The following GLIS3 variants were observed in gnomAD, a reference collection of about 807,000 sequenced individuals.
The protein encoded by GLIS3 is zinc finger protein GLIS3.
Under a neutral mutation model 78.6 loss-of-function variants are expected in GLIS3, and 53 were observed. The observed-to-expected ratio is 0.67, with a 90% CI of 0.54 to 0.85. The LOEUF (loss-of-function observed/expected upper bound fraction) is 0.85, where lower values mean the gene tolerates loss of function less well. Among genes scored for constraint, GLIS3 ranks in the 40% least tolerant of loss-of-function variants. The pLI is 0.00. For synonymous variants in GLIS3, 684 were observed against 509.9 expected (o/e 1.34, Z -4.60); for missense variants, 1,703 against 1,231.1 (o/e 1.38, Z -5.74).
At chr9:4,164,220 TC>T (rs1216486366) in intron 2 of GLIS3, among the ~76,000 whole-genome samples, 1 of 152,224 alleles carries the variant, frequency 6.6e-6, no homozygotes, top group Non-Finnish European at 1.5e-5. Context: ...CTCTTTTCTC[TC>T]TCAGCTTATC....
Position 4,203,912 on chromosome 9 carries a change from C to T in GLIS3, c.389-77971G>A, listed in dbSNP as rs1412369094. 2.0e-5 allele frequency among the ~76,000 whole-genome samples: 3 copies of T among 152,166 alleles called. No individual in the cohort carries two copies. In the South Asian group the frequency reaches 6.2e-4, roughly 32 times the overall value. ...ATAAGTAGGAGCCAAACAGTGGGTA[C>T]TCATGGACATTAAGATGGCTACAAT... On this transcript the variant is annotated intron_variant, in intron 2 of 10. Coordinates refer to ENST00000381971, the MANE Select transcript of GLIS3 (RefSeq NM_001042413.2).
chr9:4,405,150 T>C, the GLIS3 span, among the ~76,000 whole-genome samples: 4 of 151,242 alleles, frequency 2.6e-5, no homozygotes, highest in Non-Finnish European at 4.4e-5. Flanking sequence ...AGGTTGGGAG[T>C]TCGAGATCAA....
At chr9:3,913,595 A>T (rs1346409852) in intron 6 of GLIS3, among the ~76,000 whole-genome samples, 2 of 152,182 alleles carry the variant, frequency 1.3e-5, no homozygotes, top group Admixed American at 6.5e-5. Flanking sequence ...GACTCTACGT[A>T]TCTACAATAA....
Position 4,118,073 on chromosome 9 carries a change from G to A in GLIS3, c.1405C>T (p.His469Tyr), listed in dbSNP as rs564294600. The change falls in exon 4 of 11, where the codon CAC (histidine) becomes TAC (tyrosine). Residue 469 changes from histidine to tyrosine, a missense_variant. Coordinates refer to ENST00000381971, the MANE Select transcript of GLIS3 (RefSeq NM_001042413.2). The surrounding 1 kb of genome is among the most constrained non-coding windows in gnomAD (Gnocchi z 4.7). ...PPPYHAHAHL[H>Y]HPELGPHAQQ... ...GCGTGGGGCCCGAGCTCCGGGTGGT[G>A]AAGGTGCGCATGGGCATGGTAAGGG... The A allele has an allele frequency of 6.5e-7, 1 of 1,549,068 alleles. No homozygotes were observed.
chr9:3,875,641 T>G (rs1821260807), intron 8 of GLIS3: 1 of 152,128 alleles, frequency 6.6e-6, no homozygotes, highest in Admixed American at 6.5e-5. Context: ...CCTCTTAGTG[T>G]TTTTATGCTG....
chr9:4,478,749 TC>T, the GLIS3 span, among the ~76,000 whole-genome samples: 28 of 152,300 alleles, frequency 1.8e-4, no homozygotes, highest in African/African-American at 6.5e-4. Flanking sequence ...AATAGTTGAT[TC>T]CAGAAAATAT....
intron 2 of GLIS3, among the ~76,000 whole-genome samples, chr9:4,244,791 G>T (rs1240261106): frequency 1.3e-5 from 2 of 152,024 alleles, no homozygotes; most frequent in African/African-American, 2.4e-5. Flanking sequence ...GGCCAGGCTG[G>T]TCTCGAACTC....
intron 2 of GLIS3, among the ~76,000 whole-genome samples, chr9:4,326,142 C>T (rs1009775752): frequency 7.2e-5 from 11 of 152,266 alleles, no homozygotes; most frequent in African/African-American, 2.6e-4. Context: ...TGCATCGAAC[C>T]ACCGTGGCAC....
At chr9:4,468,947 C>A in the GLIS3 span, among the ~76,000 whole-genome samples, 1 of 152,006 alleles carries the variant, frequency 6.6e-6, no homozygotes. Flanking sequence ...GGAAGATCTA[C>A]CAAGCAAATG....
At chr9:4,282,265 G>C (rs772945842) in intron 2 of GLIS3, among the ~76,000 whole-genome samples, 2 of 152,118 alleles carry the variant, frequency 1.3e-5, no homozygotes, top group African/African-American at 2.4e-5. Flanking sequence ...TAAAATTTAT[G>C]TGTCAACTTG....
chr9:4,450,410 T>C, the GLIS3 span, among the ~76,000 whole-genome samples: 3 of 152,266 alleles, frequency 2.0e-5, no homozygotes, highest in South Asian at 4.1e-4. Context: ...TGGAACCAAG[T>C]TGGAAAACAC....
At chr9:4,317,706 G>A (rs781521402) in intron 2 of GLIS3, among the ~76,000 whole-genome samples, 27 of 152,136 alleles carry the variant, frequency 1.8e-4, no homozygotes, top group Non-Finnish European at 3.5e-4. Context: ...TTAAGAGAAA[G>A]AAAATGAGCA....
At chr9:4,323,998 G>A (rs1290863924) in intron 2 of GLIS3, among the ~76,000 whole-genome samples, 4 of 152,062 alleles carry the variant, frequency 2.6e-5, no homozygotes, top group African/African-American at 9.7e-5. Context: ...TTTGATATTA[G>A]GTCTGTTTCT....
chr9:4,418,622 C>T, the GLIS3 span, among the ~76,000 whole-genome samples: 1 of 152,062 alleles, frequency 6.6e-6, no homozygotes, highest in South Asian at 2.1e-4. Flanking sequence ...TCACTTGAAC[C>T]TGGGAGGCAG....
chr9:3,856,247 C>G (rs1259557818), intron 8 of GLIS3, 63 bp from the exon 9 acceptor site: 5 of 1,459,350 alleles, frequency 3.4e-6, no homozygotes, highest in Non-Finnish European at 4.7e-6. Context: ...AAGACAAACT[C>G]TCCAAAGCCA....
intron 9 of GLIS3, among the ~76,000 whole-genome samples, chr9:3,830,411 G>A (rs1020389372): frequency 6.6e-6 from 1 of 152,198 alleles, no homozygotes; most frequent in Non-Finnish European, 1.5e-5. Flanking sequence ...ATTGGAGGGA[G>A]CATTGTGGCT....
At position 4,186,657 on chromosome 9, in the gene GLIS3, C is replaced by A. The variant is rs1184600287; in HGVS notation, c.389-60716G>T. On this transcript the variant is annotated intron_variant, in intron 2 of 10. Coordinates refer to ENST00000381971, the MANE Select transcript of GLIS3 (RefSeq NM_001042413.2). ...CTATTTCTCCACATCCTCTCCAGCA[C>A]CTGTTGTTTCCTGACTTTTTAATGA... is the stretch of plus-strand genomic sequence containing the variant. Among the ~76,000 whole-genome samples the A allele has an allele frequency of 5.3e-5, 8 of 151,108 alleles. 1 individual carries two copies. The highest frequency in any genetic ancestry group is 1.2e-4 in the Non-Finnish European group (8 of 67,514).
intron 4 of GLIS3, among the ~76,000 whole-genome samples, chr9:3,955,346 A>C (rs984035183): frequency 7.2e-5 from 11 of 152,234 alleles, no homozygotes; most frequent in Admixed American, 2.6e-4. Flanking sequence ...ACTCAGCTTC[A>C]GATCTTTTCT....
At chr9:3,940,205 G>T (rs1478829727) in intron 4 of GLIS3, among the ~76,000 whole-genome samples, 1 of 152,180 alleles carries the variant, frequency 6.6e-6, no homozygotes, top group Non-Finnish European at 1.5e-5. Flanking sequence ...GCTTATAAAA[G>T]ATTGTTACAA....
Sources: allele counts gnomAD v4.1 joint callset (sites outside exome capture counted in the v4.1 genomes callset), GRCh38; gene constraint gnomAD v4.1.1; non-coding constraint Gnocchi (gnomAD v3.1); transcripts MANE v1.5; gene names NCBI Gene and HGNC (gene_info 2026-07-23, HGNC 2026-07-21).